The following DSTYK variants were observed in gnomAD, a reference collection of about 807,000 sequenced individuals.
The protein encoded by DSTYK is RIP-homologous kinase.
DSTYK carries 34 observed loss-of-function variants against 98.7 expected under a neutral mutation model. That is an observed-to-expected ratio of 0.34 (90% CI 0.26 to 0.46). The LOEUF (loss-of-function observed/expected upper bound fraction) is 0.46, where lower values mean the gene tolerates loss of function less well. Ranked by LOEUF, DSTYK falls within the 20% of genes least tolerant of loss-of-function variation. The pLI, the probability that DSTYK is intolerant of heterozygous loss-of-function variation, is 1.00. For synonymous variants in DSTYK, 462 were observed against 457.3 expected (o/e 1.01, Z -0.13); for missense variants, 962 against 1,181.7 (o/e 0.81, Z 2.73).
At chr1:205,158,713 G>T (rs1657628770) in intron 9 of DSTYK, among the ~76,000 whole-genome samples, 1 of 152,014 alleles carries the variant, frequency 6.6e-6, no homozygotes, top group South Asian at 2.1e-4. Flanking sequence ...CCCTTGCTAT[G>T]GCCTCTTCCT....
chr1:205,189,299 T>C (rs1208281191), intron 1 of DSTYK, among the ~76,000 whole-genome samples: 1 of 152,204 alleles, frequency 6.6e-6, no homozygotes, highest in Non-Finnish European at 1.5e-5. Context: ...AATCCGAAAT[T>C]AGTTCACTGA....
rs1217545642 is a variant in DSTYK at position 205,163,900 on chromosome 1, G to A, written c.1380C>T (p.Cys460=). The A allele has an allele frequency of 6.2e-7, 1 of 1,614,160 alleles. No homozygotes were observed. Among genetic ancestry groups the A allele is most frequent in the South Asian group, 1.1e-5 (1 of 91,086 alleles). ...EPVGTREIKC[C]IRQIQELIIS... ...TGATGAGTTCCTGGATCTGTCGGATGCAGCATTTGATCTCTCTGGTGCCTA... is the reference window on the plus strand; with the variant it reads ...TGATGAGTTCCTGGATCTGTCGGATACAGCATTTGATCTCTCTGGTGCCTA... The change falls in exon 4 of 13, where the codon TGC becomes TGT. Residue 460 remains cysteine (C), a synonymous_variant. Transcript: ENST00000367162.
chr1:205,185,228 A>T (rs1408336685), intron 2 of DSTYK, among the ~76,000 whole-genome samples: 2 of 152,154 alleles, frequency 1.3e-5, no homozygotes, highest in Non-Finnish European at 2.9e-5. Context: ...ATAGTAATTT[A>T]AAAAAATAAA....
intron 5 of DSTYK, 84 bp downstream of exon 5, chr1:205,162,839 G>C (rs1657772591): frequency 9.6e-7 from 1 of 1,046,518 alleles, no homozygotes; most frequent in African/African-American, 1.6e-5. Context: ...GAAGATCCTA[G>C]ATATCTGTTT....
chr1:205,196,198 GAA>G (rs1346817818), intron 1 of DSTYK, among the ~76,000 whole-genome samples: 1 of 152,136 alleles, frequency 6.6e-6, no homozygotes, highest in African/African-American at 2.4e-5. Context: ...ATAAACAAGA[GAA>G]AAGGAAAGCT....
intron 12 of DSTYK, among the ~76,000 whole-genome samples, 196 bp downstream of exon 12, chr1:205,148,009 C>T (rs1212396617): frequency 1.3e-5 from 2 of 152,066 alleles, no homozygotes; most frequent in African/African-American, 2.4e-5. Flanking sequence ...AAAGACTTTT[C>T]GAGATAGTTC....
Position 205,162,971 on chromosome 1 carries a change from A to C in DSTYK, c.1593T>G (p.Phe531Leu). ...LNAAYHVEVT[F>L]HSGSSVTRML... ...TCCTTGTAACTGACGACCCTGAGTG[A>C]AACGTGACTTCAACATGATAGGCAG... Residue 531 changes from phenylalanine (F) to leucine (L), a missense_variant, in exon 5 of 13, where the codon TTT becomes TTG. Physicochemically the swap from Phe to Leu is conservative, Grantham distance 22. Coordinates refer to ENST00000367162, the MANE Select transcript of DSTYK (RefSeq NM_015375.3). 6.2e-7 allele frequency: 1 copy of C among 1,614,160 alleles called. No individual in the cohort carries two copies. The highest frequency in any genetic ancestry group is 8.5e-7 in the Non-Finnish European group (1 of 1,180,008).
Position 205,211,326 on chromosome 1 carries a change from G to A in DSTYK, c.210C>T (p.Gly70=), listed in dbSNP as rs1204076487. The change falls in exon 1 of 13, where the codon GGC becomes GGT. Residue 70 remains glycine, a synonymous_variant. Coordinates refer to ENST00000367162, the MANE Select transcript of DSTYK (RefSeq NM_015375.3). ...NHTCLSSLTG[G]GGAERGPAGD... ...CTGCAGGGCCGCGCTCGGCCCCGCC[G>A]CCGCCCGTGAGGGAGGAGAGACAAG... The A allele has an allele frequency of 6.2e-6, 10 of 1,610,708 alleles. No homozygotes were observed. The highest frequency in any genetic ancestry group is 2.2e-5 in the East Asian group (1 of 44,660).
At chr1:205,181,230 C>G (rs1225637149) in intron 2 of DSTYK, among the ~76,000 whole-genome samples, 2 of 152,188 alleles carry the variant, frequency 1.3e-5, no homozygotes, top group Admixed American at 1.3e-4. Context: ...ACAGTATCTT[C>G]TTGCCCTGAG....
intron 2 of DSTYK, among the ~76,000 whole-genome samples, chr1:205,180,674 AG>A (rs545311800): frequency 5.3e-4 from 80 of 152,310 alleles, no homozygotes; most frequent in Non-Finnish European, 9.6e-4. Context: ...CTTGTTGCCC[AG>A]GCTGGTCTCA....
At chr1:205,195,477 T>C (rs547965824) in intron 1 of DSTYK, among the ~76,000 whole-genome samples, 100 of 152,192 alleles carry the variant, frequency 6.6e-4, no homozygotes, top group Non-Finnish European at 1.1e-3. Flanking sequence ...TCTCTGACCT[T>C]CAGCTAAATT....
chr1:205,161,291 C>G lies in DSTYK; in HGVS notation c.1915G>C (p.Glu639Gln). 1.2e-6 allele frequency: 2 copies of G among 1,614,092 alleles called. No individual in the cohort carries two copies. Among genetic ancestry groups the G allele is most frequent in the Non-Finnish European group, 1.7e-6 (2 of 1,179,966 alleles). The change falls in exon 7 of 13, where the codon GAA becomes CAA. Residue 639 changes from glutamate (E) to glutamine (Q), a missense_variant. Transcript: ENST00000367162. Reference protein sequence around the residue: ...HAPRLARLSLESCSLQDVLLH... With the variant: ...HAPRLARLSLQSCSLQDVLLH... The stretch of plus-strand genomic sequence containing the variant: ...AAGACATCCTGTAAAGAACAGCTTT[C>G]CAGAGAAAGGCGGGCCAGGCGGGGA...
At chr1:205,168,812 G>A (rs1042932258) in intron 3 of DSTYK, among the ~76,000 whole-genome samples, 5 of 152,228 alleles carry the variant, frequency 3.3e-5, no homozygotes, top group Non-Finnish European at 7.3e-5. Flanking sequence ...TACTGCAGGA[G>A]CAAAGGTTAA....
chr1:205,175,494 T>C (rs1658202956), intron 2 of DSTYK, among the ~76,000 whole-genome samples: 1 of 152,182 alleles, frequency 6.6e-6, no homozygotes, highest in Admixed American at 6.5e-5. Context: ...ACATGTGCAG[T>C]TGGTCTCACT....
Position 205,145,914 on chromosome 1 carries a change from A to G in DSTYK, c.*1644T>C, listed in dbSNP as rs185453765. On this transcript the variant is annotated 3_prime_UTR_variant, in exon 13 of 13. Transcript: ENST00000367162. ...GCATCTGAGATGCACCAATATTTAA[A>G]TTGTTCCCCTTCCTCTGCCTAGAAT... The G allele has an allele frequency of 1.2e-4, 18 of 152,096 alleles. 1 individual carries two copies. In the East Asian group the frequency reaches 3.5e-3, roughly 29 times the overall value. The allele number at this position is 152,096 out of a possible 1,614,324, so 9.4% of individuals were successfully genotyped here. A position where few individuals can be genotyped will look rare whatever the true frequency, so the allele number is the denominator to read the frequency against.
At chr1:205,177,529 C>T (rs1338428513) in intron 2 of DSTYK, among the ~76,000 whole-genome samples, 1 of 152,110 alleles carries the variant, frequency 6.6e-6, no homozygotes, top group East Asian at 1.9e-4. Context: ...ATATTAATTA[C>T]ATATTAAGTA....
intron 10 of DSTYK, among the ~76,000 whole-genome samples, chr1:205,155,007 C>A (rs1351960943): frequency 6.9e-6 from 1 of 145,752 alleles, no homozygotes; most frequent in Non-Finnish European, 1.5e-5. Flanking sequence ...TATTTAGAGA[C>A]AGAGCCTCAC....
rs764466450 is a variant in DSTYK at position 205,169,407 on chromosome 1, C to G, written c.1080G>C (p.Lys360Asn). 7.4e-5 allele frequency: 120 copies of G among 1,614,050 alleles called. No homozygotes were observed. The highest frequency in any genetic ancestry group is 9.9e-5 in the Non-Finnish European group (117 of 1,180,050). Residue 360 changes from lysine to asparagine, a missense_variant, in exon 3 of 13, where the codon AAG becomes AAC. Physicochemically the swap from Lys to Asn is moderately conservative, Grantham distance 94. Around this residue, in one of 4 missense-constraint regions of DSTYK, gnomAD observed 660 missense variants for 855.0 expected, o/e 0.77. Transcript: ENST00000367162. The surrounding 1 kb of genome is among the most constrained non-coding windows in gnomAD (Gnocchi z 4.0). ...VLQTRLVDAA[K>N]ALNLVHCHCL... ...AGTGGCAGTGCACCAGGTTCAGGGCCTTGGCTGCATCCACCAGGCGAGTCT... is the reference window on the plus strand; with the variant it reads ...AGTGGCAGTGCACCAGGTTCAGGGCGTTGGCTGCATCCACCAGGCGAGTCT...
chr1:205,164,413 A>T (rs1173811556), intron 3 of DSTYK, among the ~76,000 whole-genome samples: 1 of 152,200 alleles, frequency 6.6e-6, no homozygotes, highest in Non-Finnish European at 1.5e-5. Context: ...TCTCAAAAAA[A>T]AAAAATAAAT....
Sources: gnomAD v4.1 joint callset for allele counts (sites outside exome capture counted in the v4.1 genomes callset) on GRCh38, gnomAD v4.1.1 for gene constraint, gnomAD v4.1.1 regional missense constraint, Gnocchi (gnomAD v3.1) non-coding constraint, MANE v1.5 for transcripts, NCBI Gene and HGNC (gene_info 2026-07-23, HGNC 2026-07-21) for gene names.